C9orf43: variants seen among roughly 807,000 people sequenced by gnomAD.
C9orf43 encodes the protein uncharacterized protein C9orf43.
C9orf43 carries 45 observed loss-of-function variants against 59.1 expected under a neutral mutation model. That is an observed-to-expected ratio of 0.76 (90% CI 0.60 to 0.98). The LOEUF (loss-of-function observed/expected upper bound fraction) is 0.98, where lower values mean the gene tolerates loss of function less well. C9orf43 is among the 50% of genes least tolerant of loss of function. The probability of loss-of-function intolerance (pLI) is 0.00; values close to 1 mark genes in which losing one functional copy is unlikely to be tolerated. For synonymous variants in C9orf43, 203 were observed against 196.8 expected, an observed-to-expected ratio of 1.03 and a Z score of -0.26; for missense variants, 533 against 554.9, an observed-to-expected ratio of 0.96 and a Z score of 0.40.
intron 3 of C9orf43, 132 bp downstream of exon 3, chr9:113,414,026 A>C: frequency 2.1e-6 from 2 of 971,448 alleles, no homozygotes; most frequent in Middle Eastern, 3.3e-4. Flanking sequence ...AGAAGTGGTG[A>C]ATAGGCAGTG....
intron 6 of C9orf43, 46 bp downstream of exon 6, chr9:113,422,631 G>C (rs1206936687): frequency 6.2e-7 from 1 of 1,605,516 alleles, no homozygotes; most frequent in East Asian, 2.2e-5. Context: ...TTGCTATGTA[G>C]AGTTTATTTT....
Position 113,419,155 on chromosome 9 carries a change from G to C in C9orf43, c.335G>C (p.Arg112Thr). 3.7e-6 allele frequency: 6 copies of C among 1,606,986 alleles called. No individual in the cohort carries two copies. The highest frequency in any genetic ancestry group is 5.1e-6 in the Non-Finnish European group (6 of 1,176,696). Residue 112 changes from arginine to threonine, a missense_variant, in exon 4 of 14, where the codon AGA becomes ACA. Transcript: ENST00000374165. ...AAAAGTTTGATCAACTGTACTAACA[G>C]ACTTCCCAAAGTAAGTCATAGATTT... The part of the protein sequence containing the change: ...PDKSLINCTN[R>T]LPKFPVLNLN...
chr9:113,424,191 A>G lies in C9orf43; in HGVS notation c.682A>G (p.Met228Val), dbSNP rs1828694559. ...KELLPGGKQT[M>V]LCPEMKIKLA... ...ACTTTTGCCAGGTGGAAAGCAAACC[A>G]TGCTCTGTCCAGAGATGAAGATAAA... The change falls in exon 8 of 14, where the codon ATG (methionine) becomes GTG (valine). Residue 228 changes from methionine to valine, a missense_variant. By Grantham distance (21) the Met-to-Val change is conservative. Transcript: ENST00000374165. 1 of 1,612,094 alleles carries G rather than the reference A, an allele frequency of 6.2e-7. No homozygotes were observed. The highest frequency in any genetic ancestry group is 1.3e-5 in the African/African-American group (1 of 74,812).
chr9:113,413,844 C>T lies in C9orf43; in HGVS notation c.237C>T (p.Ala79=), dbSNP rs780202684. ...HHLPECTFTK[A]HSLLSQSSKF... is the part of the protein sequence containing the mutation. Reference sequence around the variant, plus strand: ...TACCAGAATGTACCTTTACTAAGGCCCATTCTTTATTGTCTCAGAGTTCAA... The same window carrying T: ...TACCAGAATGTACCTTTACTAAGGCTCATTCTTTATTGTCTCAGAGTTCAA... The change falls in exon 3 of 14, where the codon GCC becomes GCT. Residue 79 remains alanine, a synonymous_variant. Transcript: ENST00000374165. 15 of 1,613,478 alleles carry T rather than the reference C, an allele frequency of 9.3e-6. No homozygotes were observed. Among genetic ancestry groups the T allele is most frequent in the Middle Eastern group, 1.7e-4 (1 of 6,060 alleles).
intron 3 of C9orf43, among the ~76,000 whole-genome samples, chr9:113,417,419 G>T (rs1162291082): frequency 2.0e-5 from 3 of 152,214 alleles, no homozygotes; most frequent in Admixed American, 2.0e-4. Context: ...ATTCACAACT[G>T]TATTTTAGTG....
intron 5 of C9orf43, 75 bp downstream of exon 5, chr9:113,421,278 G>C: frequency 1.8e-6 from 2 of 1,096,442 alleles, no homozygotes; most frequent in South Asian, 1.3e-5. Context: ...TCCTTTTTGT[G>C]ATCTCCCATT....
At chr9:113,414,168 T>C (rs938401302) in intron 3 of C9orf43, among the ~76,000 whole-genome samples, 1 of 152,226 alleles carries the variant, frequency 6.6e-6, no homozygotes, top group African/African-American at 2.4e-5. Context: ...TATTTTCTTG[T>C]AATTCTTGAG....
intron 3 of C9orf43, among the ~76,000 whole-genome samples, chr9:113,415,426 T>C (rs140267971): frequency 0.011 from 1,656 of 152,356 alleles, 11 homozygotes; most frequent in Non-Finnish European, 0.019. Flanking sequence ...ATTTTTGTTA[T>C]GTATATATTT....
At position 113,419,153 on chromosome 9, in the gene C9orf43, C is replaced by T. The variant is rs745362863; in HGVS notation, c.333C>T (p.Asn111=). Residue 111 remains asparagine (N), a synonymous_variant, in exon 4 of 14, where the codon AAC becomes AAT. Coordinates refer to ENST00000374165, the MANE Select transcript of C9orf43 (RefSeq NM_001278629.2). ...LPDKSLINCT[N]RLPKFPVLNL... is the part of the protein sequence containing the mutation. ...ACAAAAGTTTGATCAACTGTACTAA[C>T]AGACTTCCCAAAGTAAGTCATAGAT... 2.5e-6 allele frequency: 4 copies of T among 1,607,218 alleles called. 1 individual carries two copies.
In C9orf43 at chr9:113,429,170, A is replaced by G; in HGVS notation, c.1172-2A>G. 2.5e-6 allele frequency: 4 copies of G among 1,613,422 alleles called. No homozygotes were observed. The highest frequency in any genetic ancestry group is 3.4e-6 in the Non-Finnish European group (4 of 1,179,400). On this transcript the variant is annotated splice_acceptor_variant, in intron 13 of 13. Coordinates refer to ENST00000374165, the MANE Select transcript of C9orf43 (RefSeq NM_001278629.2). LOFTEE classifies it high-confidence loss of function. ...GCAATTAATGACTGCATCTTCTTTTAGGTCCTGAATTGTATGAAACAGAAC... is the reference window on the plus strand; with the variant it reads ...GCAATTAATGACTGCATCTTCTTTTGGGTCCTGAATTGTATGAAACAGAAC...
At chr9:113,418,845 C>G (rs1002758859) in intron 3 of C9orf43, among the ~76,000 whole-genome samples, 7 of 152,196 alleles carry the variant, frequency 4.6e-5, no homozygotes, top group African/African-American at 1.4e-4. Flanking sequence ...ATAACTGTCT[C>G]TAGCTGGAGA....
In C9orf43 at chr9:113,429,652, TA is replaced by T. The variant is rs1828918525; in HGVS notation, c.*268del. 5 of 390,696 alleles carry T rather than the reference TA, an allele frequency of 1.3e-5. No individual in the cohort carries two copies. Among genetic ancestry groups the T allele is most frequent in the Non-Finnish European group, 2.3e-5 (5 of 218,410 alleles). 24.2% of individuals were successfully genotyped at this position (390,696 alleles called of 1,614,324 possible). On this transcript the variant is annotated 3_prime_UTR_variant, in exon 14 of 14. Transcript: ENST00000374165. ...TATTTCCTTTCCATTAGGGTCAGAA[TA>T]ATTTTGGTGATTAAACACAACTGCT...
intron 6 of C9orf43, 87 bp downstream of exon 6, chr9:113,422,672 C>T: frequency 1.4e-6 from 2 of 1,457,052 alleles, no homozygotes; most frequent in Non-Finnish European, 1.9e-6. Flanking sequence ...CCACCTTACC[C>T]CCGTTCTTTC....
chr9:113,416,190 C>A (rs1422408655), intron 3 of C9orf43, among the ~76,000 whole-genome samples: 1 of 152,218 alleles, frequency 6.6e-6, no homozygotes, highest in Non-Finnish European at 1.5e-5. Flanking sequence ...GGTTTCCCTG[C>A]CTTTTCTCCT....
At chr9:113,420,484 A>G (rs529431508) in intron 4 of C9orf43, among the ~76,000 whole-genome samples, 43 of 152,334 alleles carry the variant, frequency 2.8e-4, no homozygotes, top group Middle Eastern at 3.4e-3. Flanking sequence ...AATCTCTCCT[A>G]TTACCTCCAA....
At chr9:113,424,115 T>C in intron 7 of C9orf43, 51 bp from the exon 8 acceptor site, 7 of 1,535,646 alleles carry the variant, frequency 4.6e-6, no homozygotes, top group Non-Finnish European at 6.1e-6. Context: ...TCAGCCATGC[T>C]TTCCGGGAAG....
chr9:113,428,170 A>G lies in C9orf43; in HGVS notation c.1054A>G (p.Asn352Asp). The change falls in exon 12 of 14, where the codon AAC becomes GAC. Residue 352 changes from asparagine to aspartate, a missense_variant. Coordinates refer to ENST00000374165, the MANE Select transcript of C9orf43 (RefSeq NM_001278629.2). The part of the protein sequence containing the change: ...LYGYRTLPGQ[N>D]SDMKQQQQME... ...AGGTTACAGAACTCTGCCAGGTCAG[A>G]ACAGTGACATGAAGCAGCAGCAGCA... The G allele has an allele frequency of 6.2e-7, 1 of 1,614,248 alleles. No individual in the cohort carries two copies. The highest frequency in any genetic ancestry group is 1.7e-5 in the Admixed American group (1 of 60,036).
chr9:113,413,731 CAT>C, intron 2 of C9orf43, 26 bp from the exon 3 acceptor site: 1 of 1,612,542 alleles, frequency 6.2e-7, no homozygotes, highest in Admixed American at 1.7e-5. Context: ...AGCAGGTTAA[CAT>C]GTTTTCTTCT....
chr9:113,418,181 A>G (rs1828442222), intron 3 of C9orf43, among the ~76,000 whole-genome samples: 1 of 152,226 alleles, frequency 6.6e-6, no homozygotes, highest in African/African-American at 2.4e-5. Flanking sequence ...GAATGTTTTC[A>G]TCATGTCAAA....
Sources: gnomAD v4.1 joint callset for allele counts (sites outside exome capture counted in the v4.1 genomes callset) on GRCh38, gnomAD v4.1.1 for gene constraint, MANE v1.5 for transcripts, NCBI Gene and HGNC (gene_info 2026-07-23, HGNC 2026-07-21) for gene names.